Variants in NDUFA5 observed in about 807,000 individuals in gnomAD.
NDUFA5 encodes the protein NADH:ubiquinone oxidoreductase subunit A5, also known as NADH dehydrogenase [ubiquinone] 1 alpha subcomplex subunit 5.
NDUFA5 carries 11 observed loss-of-function variants against 19.8 expected under a neutral mutation model. That is an observed-to-expected ratio of 0.56 (90% CI 0.35 to 0.92). The LOEUF is 0.92. Among genes scored for constraint, NDUFA5 ranks in the 40% least tolerant of loss-of-function variants. NDUFA5 has a pLI of 0.01. For synonymous variants in NDUFA5, 47 were observed against 46.8 expected (o/e 1.00, Z -0.01); for missense variants, 109 against 134.2 (o/e 0.81, Z 0.93).
chr7:123,568,278 T>C, the NDUFA5 span, among the ~76,000 whole-genome samples: 1 of 152,072 alleles, frequency 6.6e-6, no homozygotes, highest in Non-Finnish European at 1.5e-5. Flanking sequence ...TTTGGGAGGC[T>C]GAGGCGGGCA....
chr7:123,564,171 A>C, the NDUFA5 span, among the ~76,000 whole-genome samples: 154 of 152,308 alleles, frequency 1.0e-3, 2 homozygotes, highest in South Asian at 0.024. Context: ...AACACCCAAA[A>C]CAGGTCTCCC....
At chr7:123,571,139 T>C in the NDUFA5 span, among the ~76,000 whole-genome samples, 4 of 152,322 alleles carry the variant, frequency 2.6e-5, no homozygotes, top group South Asian at 8.3e-4. Flanking sequence ...AAATTTACCA[T>C]AAAAACAAAT....
At chr7:123,578,863 T>A in the NDUFA5 span, among the ~76,000 whole-genome samples, 1 of 152,156 alleles carries the variant, frequency 6.6e-6, no homozygotes, top group South Asian at 2.1e-4. Context: ...CTGTTTGTCT[T>A]CATTAACATA....
At chr7:123,548,589 T>C (rs368529203) in intron 3 of NDUFA5, among the ~76,000 whole-genome samples, 15 of 152,140 alleles carry the variant, frequency 9.9e-5, no homozygotes, top group African/African-American at 3.6e-4. Flanking sequence ...TCCACAGAAC[T>C]GCCAGCAGTT....
chr7:123,599,785 C>T, the NDUFA5 span, among the ~76,000 whole-genome samples: 41 of 152,090 alleles, frequency 2.7e-4, no homozygotes, highest in African/African-American at 9.7e-4. Flanking sequence ...AGAAGGAATG[C>T]GTATTTGGAT....
chr7:123,574,665 T>C, the NDUFA5 span, among the ~76,000 whole-genome samples: 32 of 152,180 alleles, frequency 2.1e-4, no homozygotes, highest in Admixed American at 2.1e-3. Flanking sequence ...CTCATTCTAC[T>C]TGCCAATTCC....
the NDUFA5 span, among the ~76,000 whole-genome samples, chr7:123,567,449 A>G: frequency 2.0e-5 from 3 of 152,222 alleles, no homozygotes; most frequent in African/African-American, 7.2e-5. Flanking sequence ...CCTCTAGCCT[A>G]TCCAATAAAA....
In NDUFA5 at chr7:123,557,418, T is replaced by G; in HGVS notation, c.52A>C (p.Asn18His). ...TTGLVGLAVC[N>H]TPHERLRILY... The stretch of plus-strand genomic sequence containing the variant: ...AAGGTACATACCTCGTGAGGAGTAT[T>G]GCACACAGCCAATCCCACAAGGCCA... The change falls in exon 2 of 5, where the codon AAT becomes CAT. Residue 18 changes from asparagine to histidine, a missense_variant. Coordinates refer to ENST00000355749, the MANE Select transcript of NDUFA5 (RefSeq NM_005000.5). 6.2e-7 allele frequency: 1 copy of G among 1,613,430 alleles called. No homozygotes were observed. Among genetic ancestry groups the G allele is most frequent in the East Asian group, 2.2e-5 (1 of 44,852 alleles).
intron 3 of NDUFA5, among the ~76,000 whole-genome samples, chr7:123,548,502 A>C (rs565800333): frequency 6.6e-6 from 1 of 152,222 alleles, no homozygotes; most frequent in African/African-American, 2.4e-5. Flanking sequence ...AAGAAAAAGT[A>C]AGAACTACCA....
rs1308509833 is a variant in NDUFA5, at chr7:123,541,957, C to A, written c.*162G>T. ...GTACTTTATAAATCAAAAATTGATT[C>A]ACATGACCATATTACCATAATCACC... On this transcript the variant is annotated 3_prime_UTR_variant, in exon 5 of 5. Coordinates refer to ENST00000355749, the MANE Select transcript of NDUFA5 (RefSeq NM_005000.5). 1 of 412,736 alleles carries A rather than the reference C, an allele frequency of 2.4e-6. No homozygotes were observed. The highest frequency in any genetic ancestry group is 4.2e-6 in the Non-Finnish European group (1 of 237,830). The allele number at this position is 412,736 out of a possible 1,614,324, so 25.6% of individuals were successfully genotyped here. A position where few individuals can be genotyped will look rare whatever the true frequency, so the allele number is the denominator to read the frequency against.
chr7:123,557,524 C>T lies in NDUFA5; in HGVS notation c.22-76G>A, dbSNP rs1257949395. ...TCCAGCACGCTAAGGAAATACAAAACCACGAATCCCCCGGCTAAAACTGGT... is the reference window on the plus strand; with the variant it reads ...TCCAGCACGCTAAGGAAATACAAAATCACGAATCCCCCGGCTAAAACTGGT... On this transcript the variant is annotated intron_variant, in intron 1 of 4. Transcript: ENST00000355749. 1.9e-6 allele frequency: 3 copies of T among 1,611,512 alleles called. No individual in the cohort carries two copies. The East Asian group carries it at 6.8e-5, about 36-fold the overall frequency.
At chr7:123,575,228 C>G in the NDUFA5 span, among the ~76,000 whole-genome samples, 1 of 152,020 alleles carries the variant, frequency 6.6e-6, no homozygotes, top group East Asian at 1.9e-4. Flanking sequence ...TAGACAACAC[C>G]TATTAGTTCC....
chr7:123,591,494 G>C, the NDUFA5 span, among the ~76,000 whole-genome samples: 1 of 152,132 alleles, frequency 6.6e-6, no homozygotes, highest in Non-Finnish European at 1.5e-5. Flanking sequence ...AGTTTATTGA[G>C]AGTTTTAACA....
the NDUFA5 span, among the ~76,000 whole-genome samples, chr7:123,592,596 G>A: frequency 7.2e-5 from 11 of 152,168 alleles, no homozygotes; most frequent in Admixed American, 6.5e-4. Context: ...TGTGCAGTTT[G>A]GAGTGAGTTT....
chr7:123,579,386 A>T, the NDUFA5 span, among the ~76,000 whole-genome samples: 35,000 of 152,016 alleles, frequency 0.23, 4,164 homozygotes, highest in East Asian at 0.4. Flanking sequence ...CTATTGTTAA[A>T]TTTGTTTTGC....
chr7:123,594,170 G>T, the NDUFA5 span, among the ~76,000 whole-genome samples: 2 of 151,934 alleles, frequency 1.3e-5, no homozygotes, highest in Non-Finnish European at 2.9e-5. Flanking sequence ...ATTCTAGTTT[G>T]CCATTCCTCT....
At chr7:123,542,365 T>A in intron 4 of NDUFA5, 145 bp from the exon 5 acceptor site, 1 of 567,428 alleles carries the variant, frequency 1.8e-6, no homozygotes, top group Non-Finnish European at 3.1e-6. Flanking sequence ...TATTAAGTAA[T>A]TAAATTACCT....
chr7:123,586,629 A>G, the NDUFA5 span, among the ~76,000 whole-genome samples: 1 of 151,680 alleles, frequency 6.6e-6, no homozygotes, highest in African/African-American at 2.4e-5. Flanking sequence ...AATTATTGCC[A>G]AGTCCATTGT....
chr7:123,570,094 G>T, the NDUFA5 span, among the ~76,000 whole-genome samples: 2 of 142,996 alleles, frequency 1.4e-5, no homozygotes, highest in Admixed American at 1.4e-4. Context: ...GCTTGCAGTG[G>T]CACGATCTCG....
Sources: allele counts gnomAD v4.1 joint callset (sites outside exome capture counted in the v4.1 genomes callset), GRCh38; gene constraint gnomAD v4.1.1; transcripts MANE v1.5; gene names NCBI Gene and HGNC (gene_info 2026-07-23, HGNC 2026-07-21).